Variants in SLC4A10 observed in about 807,000 individuals in gnomAD.
The protein encoded by SLC4A10 is solute carrier family 4 member 10.
Under a neutral mutation model 137.7 loss-of-function variants are expected in SLC4A10, and 42 were observed. The observed-to-expected ratio is 0.30, with a 90% CI of 0.24 to 0.39. The LOEUF (loss-of-function observed/expected upper bound fraction) is 0.39, where lower values mean the gene tolerates loss of function less well. SLC4A10 is among the 10% of genes least tolerant of loss of function. The pLI is 1.00. For synonymous variants in SLC4A10, 474 were observed against 464.1 expected (o/e 1.02, Z -0.27); for missense variants, 925 against 1,355.0 (o/e 0.68, Z 4.98).
At chr2:161,831,347 T>G (rs1575173015) in intron 3 of SLC4A10, among the ~76,000 whole-genome samples, 1 of 152,204 alleles carries the variant, frequency 6.6e-6, no homozygotes, top group Admixed American at 6.5e-5. Context: ...AATTGCTCTA[T>G]AGCTGTTACT....
intron 3 of SLC4A10, 29 bp from the exon 4 acceptor site, chr2:161,839,760 C>T: frequency 1.9e-6 from 3 of 1,611,606 alleles, no homozygotes; most frequent in Non-Finnish European, 2.5e-6. Context: ...AATACATGTT[C>T]ATGGTAATAC....
At chr2:161,716,405 G>C (rs563325124) in intron 1 of SLC4A10, among the ~76,000 whole-genome samples, 2 of 151,894 alleles carry the variant, frequency 1.3e-5, no homozygotes, top group African/African-American at 4.8e-5. Context: ...ATCTTTGCCC[G>C]TGCCTATGTC....
chr2:161,855,354 C>G (rs1264062009), intron 5 of SLC4A10, among the ~76,000 whole-genome samples: 1 of 152,018 alleles, frequency 6.6e-6, no homozygotes, highest in African/African-American at 2.4e-5. Flanking sequence ...GGACAAGAAC[C>G]TAGATATCTT....
At chr2:161,757,321 C>A (rs1014304258) in intron 1 of SLC4A10, among the ~76,000 whole-genome samples, 6 of 152,084 alleles carry the variant, frequency 3.9e-5, no homozygotes, top group Non-Finnish European at 8.8e-5. Context: ...CTTAATTGGG[C>A]AAGTTATGCT....
At chr2:161,853,595 T>A (rs1422425754) in intron 4 of SLC4A10, among the ~76,000 whole-genome samples, 1 of 152,214 alleles carries the variant, frequency 6.6e-6, no homozygotes. Flanking sequence ...CTATGAGGTA[T>A]TATGGCCCTG....
At chr2:161,750,667 A>T (rs750298637) in intron 1 of SLC4A10, among the ~76,000 whole-genome samples, 9 of 151,848 alleles carry the variant, frequency 5.9e-5, no homozygotes, top group Non-Finnish European at 1.2e-4. Context: ...ATACTGGAGA[A>T]TATTCTGTTT....
intron 1 of SLC4A10, among the ~76,000 whole-genome samples, chr2:161,765,960 T>G (rs778097750): frequency 9.2e-5 from 14 of 152,102 alleles, no homozygotes; most frequent in Non-Finnish European, 2.1e-4. Context: ...TGAATAATAT[T>G]GAAATGATCT....
At chr2:161,679,144 A>G (rs2040574765) in intron 1 of SLC4A10, among the ~76,000 whole-genome samples, 1 of 152,044 alleles carries the variant, frequency 6.6e-6, no homozygotes, top group Non-Finnish European at 1.5e-5. Flanking sequence ...TGTTTTAGTC[A>G]TTCTGGTATT....
At chr2:161,815,510 A>G (rs1323318442) in intron 3 of SLC4A10, among the ~76,000 whole-genome samples, 1 of 152,158 alleles carries the variant, frequency 6.6e-6, no homozygotes, top group Non-Finnish European at 1.5e-5. Flanking sequence ...ACCCAGCCTC[A>G]GGGAAGCTCT....
intron 1 of SLC4A10, among the ~76,000 whole-genome samples, chr2:161,761,372 CT>C (rs973678737): frequency 6.6e-6 from 1 of 151,888 alleles, no homozygotes; most frequent in Non-Finnish European, 1.5e-5. Context: ...CAGATGGAGC[CT>C]TGTGATAAGG....
At chr2:161,640,593 T>C (rs188813702) in intron 1 of SLC4A10, among the ~76,000 whole-genome samples, 100 of 119,320 alleles carry the variant, frequency 8.4e-4, no homozygotes, top group African/African-American at 2.9e-3. Flanking sequence ...TTTCTCTTTC[T>C]TTCCTTCCTT....
intron 1 of SLC4A10, among the ~76,000 whole-genome samples, chr2:161,728,182 A>G (rs1032384259): frequency 6.6e-6 from 1 of 152,230 alleles, no homozygotes; most frequent in African/African-American, 2.4e-5. Context: ...CTTGAAAATT[A>G]TATACTACCA....
intron 15 of SLC4A10, among the ~76,000 whole-genome samples, chr2:161,942,509 G>T (rs1330190498): frequency 6.6e-6 from 1 of 151,994 alleles, no homozygotes; most frequent in East Asian, 1.9e-4. Context: ...CAATGGATTT[G>T]GATATTTATC....
chr2:161,651,755 G>A (rs1574110431), intron 1 of SLC4A10, among the ~76,000 whole-genome samples: 11 of 152,184 alleles, frequency 7.2e-5, no homozygotes, highest in Admixed American at 5.9e-4. Context: ...GGCATGCCTG[G>A]CTGTGTGCAG....
chr2:161,697,858 C>A (rs1280786567), intron 1 of SLC4A10, among the ~76,000 whole-genome samples: 1 of 152,192 alleles, frequency 6.6e-6, no homozygotes, highest in Admixed American at 6.5e-5. Flanking sequence ...TCATTGGTAG[C>A]TTGATGGGGA....
intron 3 of SLC4A10, among the ~76,000 whole-genome samples, chr2:161,810,641 T>C (rs1396086976): frequency 6.6e-6 from 1 of 152,104 alleles, no homozygotes; most frequent in Non-Finnish European, 1.5e-5. Context: ...GTTTTGATTT[T>C]GATTCTGTTT....
chr2:161,762,019 A>G (rs1202651795), intron 1 of SLC4A10, among the ~76,000 whole-genome samples: 2 of 152,130 alleles, frequency 1.3e-5, no homozygotes, highest in Non-Finnish European at 2.9e-5. Flanking sequence ...AGATGAAACA[A>G]CACAATTGCT....
At chr2:161,976,343 T>G (rs1415129994) in intron 24 of SLC4A10, among the ~76,000 whole-genome samples, 1 of 152,154 alleles carries the variant, frequency 6.6e-6, no homozygotes, top group Non-Finnish European at 1.5e-5. Flanking sequence ...CTAACTGAAA[T>G]AAACCAGTCA....
intron 18 of SLC4A10, among the ~76,000 whole-genome samples, chr2:161,950,028 T>A (rs1461705540): frequency 6.6e-6 from 1 of 151,948 alleles, no homozygotes; most frequent in Non-Finnish European, 1.5e-5. Context: ...AGGGCTCTTG[T>A]CAGGATGAAA....
Sources: allele counts gnomAD v4.1 joint callset (sites outside exome capture counted in the v4.1 genomes callset), GRCh38; gene constraint gnomAD v4.1.1; transcripts MANE v1.5; gene names NCBI Gene and HGNC (gene_info 2026-07-23, HGNC 2026-07-21).